STKLD1: variants seen among roughly 807,000 people sequenced by gnomAD.
STKLD1 encodes serine/threonine kinase like domain containing 1, also known as serine/threonine kinase-like domain-containing protein STKLD1.
A neutral mutation model predicts 80.4 loss-of-function variants in STKLD1; 79 were observed. That is an observed-to-expected ratio of 0.98 (90% CI 0.82 to 1.19). The LOEUF (loss-of-function observed/expected upper bound fraction) is 1.19. Ranked by LOEUF, STKLD1 falls within the 50% of genes most tolerant of loss-of-function variation. The probability of loss-of-function intolerance (pLI) is 0.00; values close to 1 mark genes in which losing one functional copy is unlikely to be tolerated. For missense variants in STKLD1, 841 were observed against 856.0 expected (o/e 0.98, Z 0.22); for synonymous variants, 393 against 357.6 (o/e 1.10, Z -1.12).
At position 133,394,292 on chromosome 9, in the gene STKLD1, C is replaced by T. The variant is rs200576190; in HGVS notation, c.585C>T (p.Asp195=). 4.8e-4 allele frequency: 770 copies of T among 1,609,058 alleles called. No homozygotes were observed. The highest frequency in any genetic ancestry group is 6.0e-4 in the Non-Finnish European group (700 of 1,175,656). Residue 195 remains aspartate (D), a splice_region_variant and synonymous_variant, in exon 8 of 18, where the codon GAC becomes GAT. Coordinates refer to ENST00000371957, the MANE Select transcript of STKLD1 (RefSeq NM_153710.5). This position sits in a 1 kb window ranked among gnomAD's most constrained non-coding sequence, Gnocchi z 4.9. ...ATCCCACCTTGCTTTTACCAACAGACCCCTTTCGTAAGTCCTGGATGGCCC... is the reference window on the plus strand; with the variant it reads ...ATCCCACCTTGCTTTTACCAACAGATCCCTTTCGTAAGTCCTGGATGGCCC... ...KAKWNIRAEE[D]PFRKSWMAPE... is the part of the protein sequence containing the mutation.
chr9:133,390,847 C>T lies in STKLD1; in HGVS notation c.583+51C>T. 3 of 1,479,966 alleles carry T rather than the reference C, an allele frequency of 2.0e-6. No individual in the cohort carries two copies. The highest frequency in any genetic ancestry group is 1.9e-6 in the Non-Finnish European group (2 of 1,059,364). 91.7% of individuals were successfully genotyped at this position (1,479,966 alleles called of 1,614,324 possible). A position where few individuals can be genotyped will look rare whatever the true frequency, so the allele number is the denominator to read the frequency against. Reference sequence around the variant, plus strand: ...GGAGAGGGGGTTGGCGCCTAGAATCCAGGCGGCGTTGGCCACTCTGGGTGC... The same window carrying T: ...GGAGAGGGGGTTGGCGCCTAGAATCTAGGCGGCGTTGGCCACTCTGGGTGC... On this transcript the variant is annotated intron_variant, in intron 7 of 17. Transcript: ENST00000371957. This position sits in a 1 kb window ranked among gnomAD's most constrained non-coding sequence, Gnocchi z 5.1.
chr9:133,405,472 G>GCT lies in STKLD1; in HGVS notation c.*55_*56dup. On this transcript the variant is annotated 3_prime_UTR_variant, in exon 18 of 18. Transcript: ENST00000371957. ...CTCCACGTGTATAGTTTTCAAGACT[G>GCT]CTCTCCTGCCTGCCTATTATCCCAT... The GCT allele has an allele frequency of 6.6e-7, 1 of 1,521,714 alleles. No homozygotes were observed. Among genetic ancestry groups the GCT allele is most frequent in the Non-Finnish European group, 8.8e-7 (1 of 1,135,518 alleles). 94.3% of individuals were successfully genotyped at this position (1,521,714 alleles called of 1,614,324 possible).
rs782050504 is a variant in STKLD1, at chr9:133,397,291, T to C, written c.994T>C (p.Leu332=). The C allele has an allele frequency of 1.2e-6, 2 of 1,613,378 alleles. No individual in the cohort carries two copies. The highest frequency in any genetic ancestry group is 2.2e-5 in the South Asian group (2 of 91,076). Residue 332 remains leucine (L), a synonymous_variant, in exon 10 of 18, where the codon TTA becomes CTA. Coordinates refer to ENST00000371957, the MANE Select transcript of STKLD1 (RefSeq NM_153710.5). ...MLLEGNVASI[L]EVMQKFSGWP... ...GTTAGAAGGCAACGTGGCCAGCATT[T>C]TAGGTGATGCTGGGGACACAAAGGG...
intron 7 of STKLD1, among the ~76,000 whole-genome samples, chr9:133,392,119 C>T (rs1284063583): frequency 1.2e-4 from 18 of 150,756 alleles, no homozygotes; most frequent in Non-Finnish European, 1.9e-4. Context: ...CTCTGTCGCC[C>T]AGGCTGGAAT....
At chr9:133,378,433 T>G (rs1356427593) in intron 1 of STKLD1, among the ~76,000 whole-genome samples, 2 of 152,218 alleles carry the variant, frequency 1.3e-5, no homozygotes, top group East Asian at 3.8e-4. Flanking sequence ...CAGATTTGGC[T>G]CAAATCACAG....
rs375160218 is a variant in STKLD1, at chr9:133,404,969, C to T, written c.1873+40C>T. On this transcript the variant is annotated intron_variant, in intron 17 of 17. Coordinates refer to ENST00000371957, the MANE Select transcript of STKLD1 (RefSeq NM_153710.5). ...TCACCTCACACTCCCTAGAGCCCAG[C>T]GGTCAGGGGTGCCCCGCTCCCCCTA... The T allele has an allele frequency of 3.9e-5, 62 of 1,602,764 alleles. No individual in the cohort carries two copies. In the East Asian group the frequency reaches 4.9e-4, roughly 13 times the overall value.
chr9:133,403,570 C>T, intron 14 of STKLD1, 130 bp from the exon 15 acceptor site: 1 of 1,184,852 alleles, frequency 8.4e-7, no homozygotes, highest in Non-Finnish European at 1.2e-6. Context: ...TCTCTGAGGA[C>T]AGTTGACCTT....
intron 1 of STKLD1, among the ~76,000 whole-genome samples, chr9:133,378,240 A>G (rs1286336084): frequency 6.6e-6 from 1 of 152,130 alleles, no homozygotes; most frequent in Non-Finnish European, 1.5e-5. Flanking sequence ...ACAGACTCCT[A>G]AGACTTTTAT....
At position 133,405,394 on chromosome 9, in the gene STKLD1, G is replaced by A. The variant is rs1554778536; in HGVS notation, c.2016G>A (p.Gly672=). 2 of 1,610,736 alleles carry A rather than the reference G, an allele frequency of 1.2e-6. No individual in the cohort carries two copies. Among genetic ancestry groups the A allele is most frequent in the Admixed American group, 3.3e-5 (2 of 59,894 alleles). The change falls in exon 18 of 18, where the codon GGG becomes GGA. Residue 672 remains glycine (G), a synonymous_variant. Transcript: ENST00000371957. ...CTCCAGGTGGAAGCCCCCAGCTGGG[G>A]TGCACCACGTCTGGGGGACTGGAAT... ...GLPPGGSPQL[G]CTTSGGLE
Position 133,404,051 on chromosome 9 carries a change from G to A in STKLD1, c.1732+3G>A, listed in dbSNP as rs782548044. The A allele has an allele frequency of 4.4e-6, 7 of 1,596,078 alleles. No homozygotes were observed. In the African/African-American group the frequency reaches 5.4e-5, roughly 12 times the overall value. ...GGCCAGCCTGGTGAAGGTGTCAGGT[G>A]AGCCTGGGGACAGGACGAGGCTGCC... On this transcript the variant is annotated splice_donor_region_variant and intron_variant, in intron 16 of 17. Transcript: ENST00000371957.
intron 11 of STKLD1, 48 bp downstream of exon 11, chr9:133,398,103 A>G (rs1838609496): frequency 6.3e-7 from 1 of 1,579,132 alleles, no homozygotes; most frequent in African/African-American, 1.3e-5. Context: ...CTAGGGGCAG[A>G]AGCTATGGTC....
Position 133,404,078 on chromosome 9 carries a change from C to T in STKLD1, c.1732+30C>T, listed in dbSNP as rs782403894. On this transcript the variant is annotated intron_variant, in intron 16 of 17. Coordinates refer to ENST00000371957, the MANE Select transcript of STKLD1 (RefSeq NM_153710.5). ...GCCTGGGGACAGGACGAGGCTGCCA[C>T]CTAGAGGTGGGGGCAAGAATCAGCC... 7 of 1,541,596 alleles carry T rather than the reference C, an allele frequency of 4.5e-6. No individual in the cohort carries two copies. The Admixed American group carries it at 1.4e-4, about 32-fold the overall frequency.
In STKLD1 at chr9:133,405,489, T is replaced by C; in HGVS notation, c.*68T>C. 6.8e-7 allele frequency: 1 copy of C among 1,479,816 alleles called. No individual in the cohort carries two copies. Among genetic ancestry groups the C allele is most frequent in the Non-Finnish European group, 9.0e-7 (1 of 1,108,170 alleles). 91.7% of individuals were successfully genotyped at this position (1,479,816 alleles called of 1,614,324 possible). ...TCAAGACTGCTCTCCTGCCTGCCTA[T>C]TATCCCATCTCTATGACTGGGCCAA... On this transcript the variant is annotated 3_prime_UTR_variant, in exon 18 of 18. Coordinates refer to ENST00000371957, the MANE Select transcript of STKLD1 (RefSeq NM_153710.5).
Position 133,397,181 on chromosome 9 carries a change from CCTT to C in STKLD1, c.888_890del (p.Phe296del), listed in dbSNP as rs781995359. ...TCTGCTAGGGACGTGGTGCACATCACCTTCTTGAGAGGCTCCTTCAAGTCCTCG... is the reference window on the plus strand; with the variant it reads ...TCTGCTAGGGACGTGGTGCACATCACCTTGAGAGGCTCCTTCAAGTCCTCG... On this transcript the variant is annotated inframe_deletion, in exon 10 of 18. Transcript: ENST00000371957. The C allele has an allele frequency of 1.1e-5, 17 of 1,613,852 alleles. No homozygotes were observed. In the East Asian group the frequency reaches 2.5e-4, roughly 23 times the overall value.
At position 133,394,157 on chromosome 9, in the gene STKLD1, C is replaced by A. The variant is rs782654262; in HGVS notation, c.584-134C>A. The A allele has an allele frequency of 1.4e-6, 1 of 691,542 alleles. No homozygotes were observed. The highest frequency in any genetic ancestry group is 2.6e-6 in the Non-Finnish European group (1 of 377,730). The allele number at this position is 691,542 out of a possible 1,614,324, so 42.8% of individuals were successfully genotyped here. Reference sequence around the variant, plus strand: ...TTCTCCACCTCTTCTGAGAAGAGGACCTGCAGGGCTTGTGTTTCAAGCTGC... The same window carrying A: ...TTCTCCACCTCTTCTGAGAAGAGGAACTGCAGGGCTTGTGTTTCAAGCTGC... On this transcript the variant is annotated intron_variant, in intron 7 of 17. Transcript: ENST00000371957. The surrounding 1 kb of genome is among the most constrained non-coding windows in gnomAD (Gnocchi z 4.9).
chr9:133,399,901 G>A (rs1554777314), intron 11 of STKLD1, among the ~76,000 whole-genome samples: 2 of 151,680 alleles, frequency 1.3e-5, no homozygotes, highest in Non-Finnish European at 1.5e-5. Flanking sequence ...AAAAGAGGGG[G>A]GGGTCTTGCT....
At position 133,390,666 on chromosome 9, in the gene STKLD1, A is replaced by C; in HGVS notation, c.468-15A>C. The stretch of plus-strand genomic sequence containing the variant: ...CCCCTTGGCATCCAGAGGCAAACCC[A>C]CCTCTTGGTTTCAGGAATCTCAAAC... On this transcript the variant is annotated splice_polypyrimidine_tract_variant and intron_variant, in intron 6 of 17. Transcript: ENST00000371957. This position sits in a 1 kb window ranked among gnomAD's most constrained non-coding sequence, Gnocchi z 5.1. 4 of 1,608,066 alleles carry C rather than the reference A, an allele frequency of 2.5e-6. No homozygotes were observed. The South Asian group carries it at 3.3e-5, about 13-fold the overall frequency.
At chr9:133,376,723 C>T (rs2130250850) in intron 1 of STKLD1, among the ~76,000 whole-genome samples, 163 bp downstream of exon 1, 2,957 of 152,312 alleles carry the variant, frequency 0.019, 102 homozygotes, top group African/African-American at 0.068. Context: ...CAACGGTGAC[C>T]TCCTGGGTGC....
rs1564387573 is a variant in STKLD1, at chr9:133,405,584, G to C, written c.*163G>C. Reference sequence around the variant, plus strand: ...TTCCTGTCCATGACTGCTGGATTGAGTCACATGAGTAACTGCTCCTGGACC... The same window carrying C: ...TTCCTGTCCATGACTGCTGGATTGACTCACATGAGTAACTGCTCCTGGACC... On this transcript the variant is annotated 3_prime_UTR_variant, in exon 18 of 18. Transcript: ENST00000371957. The C allele has an allele frequency of 4.9e-6, 3 of 615,150 alleles. No individual in the cohort carries two copies. The highest frequency in any genetic ancestry group is 7.7e-6 in the Non-Finnish European group (3 of 388,794). The allele number at this position is 615,150 out of a possible 1,614,324, so 38.1% of individuals were successfully genotyped here. A position where few individuals can be genotyped will look rare whatever the true frequency, so the allele number is the denominator to read the frequency against.
Sources: gnomAD v4.1 joint callset for allele counts (sites outside exome capture counted in the v4.1 genomes callset) on GRCh38, gnomAD v4.1.1 for gene constraint, Gnocchi (gnomAD v3.1) non-coding constraint, MANE v1.5 for transcripts, NCBI Gene and HGNC (gene_info 2026-07-23, HGNC 2026-07-21) for gene names.